Variants in DNM1 observed in about 807,000 individuals in gnomAD.
The protein encoded by DNM1 is dynamin-1.
DNM1 carries 29 observed loss-of-function variants against 104.6 expected under a neutral mutation model. The ratio of observed to expected loss-of-function variants is 0.28; its 90% CI spans 0.21 to 0.38. DNM1 has a LOEUF of 0.38. DNM1 is among the 10% of genes least tolerant of loss of function. The pLI is 1.00. For synonymous variants in DNM1, 445 were observed against 475.8 expected, an observed-to-expected ratio of 0.94 and a Z score of 0.84; for missense variants, 640 against 1,189.4, an observed-to-expected ratio of 0.54 and a Z score of 6.79.
chr9:128,249,192 CAA>C (rs113241852), intron 19 of DNM1, among the ~76,000 whole-genome samples: 1,461 of 117,772 alleles, frequency 0.012, 24 homozygotes, highest in African/African-American at 0.04. Flanking sequence ...GACTCCATCT[CAA>C]AAAAAAAAAA....
rs552164456 is a variant in DNM1 at position 128,241,673 on chromosome 9, C to T, written c.1558-559C>T. On this transcript the variant is annotated intron_variant, in intron 14 of 21. Coordinates refer to ENST00000372923, the MANE Select transcript of DNM1 (RefSeq NM_004408.4). ...TAATTAAAAATCGAAGCCCTTGTTA[C>T]AGAAGTCGACTTCAGGGAGTGATCA... Among the ~76,000 whole-genome samples, 448 of 152,234 alleles carry T rather than the reference C, an allele frequency of 2.9e-3. 2 individuals carry two copies. The highest frequency in any genetic ancestry group is 0.01 in the African/African-American group (431 of 41,542).
Position 128,238,294 on chromosome 9 carries a change from G to A in DNM1, c.1423-1151G>A, listed in dbSNP as rs145123961. 7.4e-3 allele frequency among the ~76,000 whole-genome samples: 1,121 copies of A among 151,900 alleles called. 8 individuals carry two copies. The highest frequency in any genetic ancestry group is 0.017 in the Middle Eastern group (5 of 290). ...GGCTGGAGTGCAATGGCACAATCTC[G>A]GCTCACTGCAATCTCCACCTCCTGA... On this transcript the variant is annotated intron_variant, in intron 11 of 21. Transcript: ENST00000372923.
Position 128,245,272 on chromosome 9 carries a change from C to T in DNM1, c.1672-1122C>T, listed in dbSNP as rs1026266655. Among the ~76,000 whole-genome samples, 4 of 151,204 alleles carry T rather than the reference C, an allele frequency of 2.6e-5. No homozygotes were observed. The highest frequency in any genetic ancestry group is 5.9e-5 in the Non-Finnish European group (4 of 67,636). On this transcript the variant is annotated intron_variant, in intron 15 of 21. Coordinates refer to ENST00000372923, the MANE Select transcript of DNM1 (RefSeq NM_004408.4). The surrounding 1 kb of genome is among the most constrained non-coding windows in gnomAD (Gnocchi z 5.2). ...GCATGGGCCAGGGGGGCGTTGGGGG[C>T]AGAGAGGGGTGGGCGGGATGACGCC...
At chr9:128,252,736 G>A (rs983402000) in intron 21 of DNM1, 19 of 544,526 alleles carry the variant, frequency 3.5e-5, no homozygotes, top group African/African-American at 3.8e-5. Context: ...TGAGCAGCAC[G>A]GGTGATCCTC....
chr9:128,209,475 A>G (rs2131102896), intron 1 of DNM1, among the ~76,000 whole-genome samples: 1 of 152,300 alleles, frequency 6.6e-6, no homozygotes, highest in Admixed American at 6.5e-5. Context: ...ACGGACGCCC[A>G]CATGCCATAT....
At position 128,234,113 on chromosome 9, in the gene DNM1, C is replaced by T. The variant is rs773817727; in HGVS notation, c.1422+6C>T. 8 of 1,530,610 alleles carry T rather than the reference C, an allele frequency of 5.2e-6. No homozygotes were observed. The Admixed American group carries it at 1.6e-4, about 31-fold the overall frequency. 94.8% of individuals were successfully genotyped at this position (1,530,610 alleles called of 1,614,324 possible). The stretch of plus-strand genomic sequence containing the variant: ...AGGGCCGCACTAAGGAGCAGGTGAG[C>T]CCCGCAGCACCCGGCCTGGCCGCGC... On this transcript the variant is annotated splice_donor_region_variant and intron_variant, in intron 11 of 21. Transcript: ENST00000372923.
chr9:128,212,043 C>T (rs1209820286), intron 1 of DNM1, among the ~76,000 whole-genome samples: 1 of 152,228 alleles, frequency 6.6e-6, no homozygotes, highest in Non-Finnish European at 1.5e-5. Context: ...TGCACCCTCA[C>T]CCCCAACCTG....
chr9:128,204,123 G>A (rs1050601487), intron 1 of DNM1: 1 of 152,734 alleles, frequency 6.5e-6, no homozygotes, highest in African/African-American at 2.4e-5. Context: ...CCAGTCCCTA[G>A]AAGAGGACGT....
At chr9:128,232,136 A>T (rs553396919) in intron 10 of DNM1, 1 of 439,430 alleles carries the variant, frequency 2.3e-6, no homozygotes, top group Admixed American at 2.4e-5. Flanking sequence ...TTAGTGGGAG[A>T]ATTGGTCATG....
chr9:128,235,222 G>A (rs1463239841), intron 11 of DNM1, among the ~76,000 whole-genome samples: 2 of 152,016 alleles, frequency 1.3e-5, no homozygotes, highest in Admixed American at 6.6e-5. Flanking sequence ...CTGGCCGGGC[G>A]TGGTGGCTCA....
intron 11 of DNM1, among the ~76,000 whole-genome samples, chr9:128,236,570 G>A (rs1229884763): frequency 6.6e-6 from 1 of 152,084 alleles, no homozygotes; most frequent in Non-Finnish European, 1.5e-5. Flanking sequence ...ACAGTTTGGG[G>A]CTCCACACAG....
intron 21 of DNM1, chr9:128,252,160 C>T (rs551773081): frequency 2.1e-4 from 42 of 199,846 alleles, no homozygotes; most frequent in African/African-American, 8.8e-4. Flanking sequence ...TTGTGGGGAT[C>T]GAGGGAGACA....
rs1835082999 is a variant in DNM1 at position 128,222,467 on chromosome 9, C to T, written c.999C>T (p.Val333=). ...CACACCACTCTCCCACCAGGATGGTCCAGCAGTTCGCCGTAGACTTTGAGA... is the reference window on the plus strand; with the variant it reads ...CACACCACTCTCCCACCAGGATGGTTCAGCAGTTCGCCGTAGACTTTGAGA... ...ARKTKALLQM[V]QQFAVDFEKR... The change falls in exon 8 of 22, where the codon GTC becomes GTT. Residue 333 remains valine (V), a synonymous_variant. Coordinates refer to ENST00000372923, the MANE Select transcript of DNM1 (RefSeq NM_004408.4). The surrounding 1 kb of genome is among the most constrained non-coding windows in gnomAD (Gnocchi z 7.8). 1 of 1,613,990 alleles carries T rather than the reference C, an allele frequency of 6.2e-7. No homozygotes were observed. The highest frequency in any genetic ancestry group is 1.3e-5 in the African/African-American group (1 of 74,924).
At chr9:128,219,334 C>G in intron 4 of DNM1, 82 bp downstream of exon 4, 1 of 1,276,416 alleles carries the variant, frequency 7.8e-7, no homozygotes, top group South Asian at 1.2e-5. Flanking sequence ...AGCCTCTGAA[C>G]GGTCTAAGAA....
chr9:128,219,305 T>A, intron 4 of DNM1, 53 bp downstream of exon 4: 1 of 1,501,596 alleles, frequency 6.7e-7, no homozygotes, highest in African/African-American at 1.4e-5. Context: ...GCAGGCTGTC[T>A]ATTCTTAGTG....
chr9:128,219,236 G>A lies in DNM1; in HGVS notation c.573G>A (p.Lys191=). ...ATTCTGACGCCCTCAAGGTCGCCAA[G>A]GAGGTGGACCCCCAGGGTAGGTTCC... The part of the protein sequence containing the change: ...LANSDALKVA[K]EVDPQGQRTI... Residue 191 remains lysine, a synonymous_variant, in exon 4 of 22, where the codon AAG becomes AAA. Coordinates refer to ENST00000372923, the MANE Select transcript of DNM1 (RefSeq NM_004408.4). 3 of 1,614,150 alleles carry A rather than the reference G, an allele frequency of 1.9e-6. No individual in the cohort carries two copies. The highest frequency in any genetic ancestry group is 2.5e-6 in the Non-Finnish European group (3 of 1,180,036).
chr9:128,250,862 CG>C lies in DNM1; in HGVS notation c.2461del (p.Ala821LeufsTer67), dbSNP rs1346661450. ...GGGGCGCCCCCCGTGCCCTCCAGGCCGGGGGCTTCCCCTGACCCTTTCGGCC... is the reference window on the plus strand; with the variant it reads ...GGGGCGCCCCCCGTGCCCTCCAGGCCGGGGCTTCCCCTGACCCTTTCGGCC... ...LGGAPPVPSR[P>X]GASPDPFGPP... is the part of the protein sequence containing the mutation. On this transcript the variant is annotated frameshift_variant, in exon 21 of 22. Transcript: ENST00000372923. LOFTEE classifies it high-confidence loss of function. The C allele has an allele frequency of 1.5e-6, 2 of 1,312,402 alleles. No individual in the cohort carries two copies. Among genetic ancestry groups the C allele is most frequent in the Non-Finnish European group, 9.6e-7 (1 of 1,037,444 alleles). 81.3% of individuals were successfully genotyped at this position (1,312,402 alleles called of 1,614,324 possible). A position where few individuals can be genotyped will look rare whatever the true frequency, so the allele number is the denominator to read the frequency against.
intron 21 of DNM1, chr9:128,252,967 C>T (rs545706129): frequency 1.5e-5 from 12 of 805,802 alleles, no homozygotes; most frequent in South Asian, 1.2e-4. Context: ...TGTGTGTTAG[C>T]GTGTGCATGT....
intron 1 of DNM1, among the ~76,000 whole-genome samples, chr9:128,209,456 C>T (rs530999948): frequency 3.9e-5 from 6 of 152,060 alleles, no homozygotes; most frequent in South Asian, 2.1e-4. Context: ...TGCTGTCAGG[C>T]GTGGAGAAAC....
Sources: allele counts gnomAD v4.1 joint callset (sites outside exome capture counted in the v4.1 genomes callset), GRCh38; gene constraint gnomAD v4.1.1; non-coding constraint Gnocchi (gnomAD v3.1); transcripts MANE v1.5; gene names NCBI Gene and HGNC (gene_info 2026-07-23, HGNC 2026-07-21).